COL14A1: variants seen among roughly 807,000 people sequenced by gnomAD.
COL14A1 encodes collagen type XIV alpha 1 chain, also known as collagen alpha-1(XIV) chain.
In COL14A1, 136 loss-of-function variants were observed where a neutral mutation model predicts 230.3. The observed-to-expected ratio is 0.59, with a 90% CI of 0.51 to 0.68. The LOEUF (loss-of-function observed/expected upper bound fraction) is 0.68. Ranked by LOEUF, COL14A1 falls within the 30% of genes least tolerant of loss-of-function variation. COL14A1 has a pLI of 0.00. For synonymous variants in COL14A1, 792 were observed against 784.1 expected, an observed-to-expected ratio of 1.01 and a Z score of -0.17; for missense variants, 1,976 against 2,215.8, an observed-to-expected ratio of 0.89 and a Z score of 2.17.
Position 120,280,789 on chromosome 8 carries a change from A to G in COL14A1, c.3685+40A>G, listed in dbSNP as rs761981515. ...AATCTTTTCAAACACAAAATATATT[A>G]CAGGCCTCTCAATTGGGGATGGGGT... On this transcript the variant is annotated intron_variant, in intron 30 of 47. Coordinates refer to ENST00000297848, the MANE Select transcript of COL14A1 (RefSeq NM_021110.4). 163 of 1,596,064 alleles carry G rather than the reference A, an allele frequency of 1.0e-4. 4 individuals carry two copies. The East Asian group carries it at 3.6e-3, about 35-fold the overall frequency.
chr8:120,168,001 C>A (rs1256237596), intron 4 of COL14A1, among the ~76,000 whole-genome samples, 160 bp from the exon 5 acceptor site: 1 of 152,088 alleles, frequency 6.6e-6, no homozygotes, highest in Non-Finnish European at 1.5e-5. Context: ...TGAGAAAAAA[C>A]AAAACAAAAC....
intron 37 of COL14A1, 135 bp downstream of exon 37, chr8:120,310,197 C>G: frequency 1.3e-6 from 1 of 769,366 alleles, no homozygotes; most frequent in Admixed American, 2.9e-5. Context: ...AAAGTTGTGC[C>G]TAACCCTTCT....
At chr8:120,158,275 G>C (rs762728093) in intron 3 of COL14A1, 29 bp downstream of exon 3, 1 of 1,316,392 alleles carries the variant, frequency 7.6e-7, no homozygotes, top group African/African-American at 1.4e-5. Context: ...GTTTTGTAGA[G>C]CATTAGCAAC....
intron 5 of COL14A1, among the ~76,000 whole-genome samples, chr8:120,189,434 A>C (rs1816745322): frequency 6.6e-6 from 1 of 151,982 alleles, no homozygotes; most frequent in African/African-American, 2.4e-5. Context: ...ATTGTTGAAA[A>C]AATATCTTCC....
chr8:120,347,804 A>G (rs1398791144), intron 45 of COL14A1, among the ~76,000 whole-genome samples: 4 of 152,194 alleles, frequency 2.6e-5, no homozygotes, highest in South Asian at 4.1e-4. Context: ...AAATATGATT[A>G]TCATCATTCT....
chr8:120,300,349 C>T (rs986318408), intron 35 of COL14A1, among the ~76,000 whole-genome samples: 1 of 152,056 alleles, frequency 6.6e-6, no homozygotes, highest in Non-Finnish European at 1.5e-5. Context: ...TTTCCTTTAT[C>T]CTTTGAAACA....
chr8:120,212,651 T>C (rs1389309232), intron 13 of COL14A1, 74 bp downstream of exon 13: 16 of 1,558,740 alleles, frequency 1.0e-5, no homozygotes, highest in Non-Finnish European at 1.4e-5. Flanking sequence ...GAATTGGAAC[T>C]ACTAGTTTTG....
At chr8:120,322,510 T>G (rs945509193) in intron 40 of COL14A1, among the ~76,000 whole-genome samples, 1 of 152,170 alleles carries the variant, frequency 6.6e-6, no homozygotes, top group Non-Finnish European at 1.5e-5. Context: ...AAGCCTAGTA[T>G]ACATTAATTA....
At chr8:120,240,904 A>G (rs1215250595) in intron 19 of COL14A1, among the ~76,000 whole-genome samples, 3 of 152,206 alleles carry the variant, frequency 2.0e-5, no homozygotes, top group Non-Finnish European at 4.4e-5. Context: ...GTAAGGATTG[A>G]CTTTCAACTC....
At chr8:120,208,143 A>G (rs1310477949) in intron 10 of COL14A1, 89 bp from the exon 11 acceptor site, 2 of 1,296,558 alleles carry the variant, frequency 1.5e-6, no homozygotes, top group African/African-American at 2.9e-5. Flanking sequence ...TCAATGAAAT[A>G]TTTTTGCTGG....
chr8:120,277,234 T>C (rs574473700), intron 26 of COL14A1, among the ~76,000 whole-genome samples: 1 of 152,266 alleles, frequency 6.6e-6, no homozygotes, highest in South Asian at 2.1e-4. Flanking sequence ...AAGTAACTTG[T>C]CTTTTGCAGC....
chr8:120,205,267 T>G (rs982205358), intron 9 of COL14A1, among the ~76,000 whole-genome samples: 9 of 152,142 alleles, frequency 5.9e-5, no homozygotes, highest in African/African-American at 2.2e-4. Flanking sequence ...TGCCAGATAC[T>G]TTAGCTCCAT....
chr8:120,300,695 G>A (rs371655505), intron 35 of COL14A1, 37 bp from the exon 36 acceptor site: 2 of 1,492,238 alleles, frequency 1.3e-6, no homozygotes, highest in Admixed American at 1.8e-5. Flanking sequence ...GTATAAACTG[G>A]CATGCTAATG....
chr8:120,333,096 G>A (rs1008222991), intron 42 of COL14A1, among the ~76,000 whole-genome samples: 10 of 152,192 alleles, frequency 6.6e-5, no homozygotes, highest in Non-Finnish European at 1.2e-4. Flanking sequence ...GAAAGCTTGG[G>A]AAATTCTAGG....
chr8:120,318,143 T>G (rs1821301058), intron 40 of COL14A1, among the ~76,000 whole-genome samples: 1 of 152,224 alleles, frequency 6.6e-6, no homozygotes, highest in South Asian at 2.1e-4. Flanking sequence ...CATGGCTGCC[T>G]TGCTTGAGGG....
rs772950279 is a variant in COL14A1, at chr8:120,197,905, A to G, written c.687A>G (p.Pro229=). 6.2e-7 allele frequency: 1 copy of G among 1,613,596 alleles called. No individual in the cohort carries two copies. The highest frequency in any genetic ancestry group is 8.5e-7 in the Non-Finnish European group (1 of 1,179,586). ...TGATTGAAGCTGTCCGAAACCTCCC[A>G]TATAAAGGAGGAAATACACTAACAG... ...DEVIEAVRNL[P]YKGGNTLTGL... The change falls in exon 7 of 48, where the codon CCA becomes CCG. Residue 229 remains proline (P), a synonymous_variant. Coordinates refer to ENST00000297848, the MANE Select transcript of COL14A1 (RefSeq NM_021110.4).
chr8:120,152,469 CAAAAAA>C (rs397891260), intron 2 of COL14A1, among the ~76,000 whole-genome samples: 2 of 59,596 alleles, frequency 3.4e-5, no homozygotes, highest in Admixed American at 2.4e-4. Flanking sequence ...GATTCCATCT[CAAAAAA>C]AAAAAAAAAA....
intron 19 of COL14A1, among the ~76,000 whole-genome samples, chr8:120,237,881 G>A (rs1818496521): frequency 6.6e-6 from 1 of 152,142 alleles, no homozygotes; most frequent in East Asian, 1.9e-4. Context: ...TCTGCTGCAG[G>A]TCTGTTGGAG....
At chr8:120,235,129 A>G (rs981561735) in intron 19 of COL14A1, among the ~76,000 whole-genome samples, 3 of 152,036 alleles carry the variant, frequency 2.0e-5, no homozygotes, top group Non-Finnish European at 4.4e-5. Context: ...CTCTGATGGT[A>G]GTTTGTATTT....
Sources: allele counts gnomAD v4.1 joint callset (sites outside exome capture counted in the v4.1 genomes callset), GRCh38; gene constraint gnomAD v4.1.1; transcripts MANE v1.5; gene names NCBI Gene and HGNC (gene_info 2026-07-23, HGNC 2026-07-21).